JMJD1C: variants seen among roughly 807,000 people sequenced by gnomAD.
JMJD1C encodes the protein jumonji domain containing 1C, also known as jumonji domain-containing protein 1C.
JMJD1C carries 31 observed loss-of-function variants against 245.3 expected under a neutral mutation model. The ratio of observed to expected loss-of-function variants is 0.13; its 90% CI spans 0.09 to 0.17. The LOEUF (loss-of-function observed/expected upper bound fraction) is 0.17. Among genes scored for constraint, JMJD1C ranks in the 10% least tolerant of loss-of-function variants. The pLI, the probability that JMJD1C is intolerant of heterozygous loss-of-function variation, is 1.00. For missense variants in JMJD1C, 2,691 were observed against 3,000.2 expected (o/e 0.90, Z 2.41); for synonymous variants, 1,057 against 1,017.4 (o/e 1.04, Z -0.74).
intron 10 of JMJD1C, chr10:63,204,684 G>A (rs1392492229): frequency 3.0e-6 from 3 of 985,292 alleles, no homozygotes; most frequent in Non-Finnish European, 3.6e-6. Flanking sequence ...CAAGTAAATG[G>A]CAGGTATCCT....
intron 19 of JMJD1C, among the ~76,000 whole-genome samples, chr10:63,185,887 T>C (rs2132918546): frequency 6.6e-6 from 1 of 152,358 alleles, no homozygotes; most frequent in South Asian, 2.1e-4. Flanking sequence ...AAAAGTTGTT[T>C]TTAAAAATCT....
At chr10:63,186,430 CTT>C in intron 18 of JMJD1C, 47 bp from the exon 19 acceptor site, 1 of 1,452,720 alleles carries the variant, frequency 6.9e-7, no homozygotes, top group Non-Finnish European at 9.3e-7. Flanking sequence ...TATAGACTTT[CTT>C]TTTTGTTTGT....
At chr10:63,235,081 TAGAA>T (rs568436536) in intron 3 of JMJD1C, among the ~76,000 whole-genome samples, 541 of 152,298 alleles carry the variant, frequency 3.6e-3, no homozygotes, top group Middle Eastern at 6.8e-3. Context: ...ACTTGTAACT[TAGAA>T]AGCACCAGGT....
chr10:63,252,009 G>A (rs748811777), intron 3 of JMJD1C, among the ~76,000 whole-genome samples: 3 of 152,090 alleles, frequency 2.0e-5, no homozygotes, highest in South Asian at 2.1e-4. Context: ...GCAAGACTCC[G>A]TCTCAAAGAA....
chr10:63,492,103 G>A (rs1014968931), intron 1 of JMJD1C, among the ~76,000 whole-genome samples: 6 of 151,904 alleles, frequency 3.9e-5, no homozygotes, highest in Non-Finnish European at 5.9e-5. Flanking sequence ...GCGTGATCTC[G>A]GCTCTCTGCA....
intron 1 of JMJD1C, among the ~76,000 whole-genome samples, chr10:63,463,903 T>C (rs1262351879): frequency 6.6e-6 from 1 of 152,022 alleles, no homozygotes; most frequent in Non-Finnish European, 1.5e-5. Context: ...GCTTAATACC[T>C]TACTAACATA....
intron 2 of JMJD1C, among the ~76,000 whole-genome samples, chr10:63,291,839 T>A (rs996121842): frequency 1.3e-5 from 2 of 152,144 alleles, no homozygotes; most frequent in African/African-American, 2.4e-5. Context: ...TTACAACTAA[T>A]CTTTTATTTT....
chr10:63,449,264 G>GAATTTC (rs1287866141), intron 1 of JMJD1C, among the ~76,000 whole-genome samples: 33 of 151,976 alleles, frequency 2.2e-4, no homozygotes, highest in Non-Finnish European at 3.7e-4. Context: ...AGATGAACTG[G>GAATTTC]TACACAATCT....
At chr10:63,426,544 G>C (rs142888237) in intron 1 of JMJD1C, among the ~76,000 whole-genome samples, 1 of 152,026 alleles carries the variant, frequency 6.6e-6, no homozygotes, top group African/African-American at 2.4e-5. Context: ...GGTGGTGCGC[G>C]CCTGTAATCT....
At chr10:63,295,987 G>A (rs1419615457) in intron 2 of JMJD1C, among the ~76,000 whole-genome samples, 15 of 11,862 alleles carry the variant, frequency 1.3e-3, no homozygotes, top group Non-Finnish European at 2.8e-3. Flanking sequence ...GTGTGTGTGT[G>A]TGTGTGTGTG....
chr10:63,320,246 T>C (rs1940685236), intron 2 of JMJD1C, among the ~76,000 whole-genome samples: 1 of 152,182 alleles, frequency 6.6e-6, no homozygotes, highest in Non-Finnish European at 1.5e-5. Flanking sequence ...TTGAGTAATT[T>C]TTTCTTTTAG....
intron 2 of JMJD1C, chr10:63,301,713 G>C (rs1183445298): frequency 2.2e-6 from 1 of 449,640 alleles, no homozygotes; most frequent in African/African-American, 2.0e-5. Flanking sequence ...GCATATGCAG[G>C]GATTAAAACC....
intron 2 of JMJD1C, among the ~76,000 whole-genome samples, chr10:63,356,111 C>T (rs914292727): frequency 6.6e-6 from 1 of 152,154 alleles, no homozygotes; most frequent in Non-Finnish European, 1.5e-5. Context: ...TACATAGCAG[C>T]ATATGGCAGT....
chr10:63,422,167 T>G (rs1950164439), intron 1 of JMJD1C, among the ~76,000 whole-genome samples: 1 of 152,318 alleles, frequency 6.6e-6, no homozygotes. Context: ...AACCCAGCAC[T>G]TTGGAAGATC....
Position 63,465,641 on chromosome 10 carries a change from C to T in JMJD1C, c.22G>A (p.Glu8Lys), listed in dbSNP as rs1490389597. Reference sequence around the variant, plus strand: ...CACAGGAACCGCTTACCCACCAGCTCTGCCCGCGTCTCTACCGCCATAGCT... The same window carrying T: ...CACAGGAACCGCTTACCCACCAGCTTTGCCCGCGTCTCTACCGCCATAGCT... MAVETRA[E>K]LVGKRFLCVA... The change falls in exon 1 of 26, where the codon GAG becomes AAG. Residue 8 changes from glutamate to lysine, a missense_variant. By Grantham distance (56) the Glu-to-Lys change is moderately conservative (BLOSUM62 1). Around this residue, in one of 9 missense-constraint regions of JMJD1C, gnomAD observed 135 missense variants for 115.5 expected, o/e 1.17. Transcript: ENST00000399262. 5 of 1,609,480 alleles carry T rather than the reference C, an allele frequency of 3.1e-6. No homozygotes were observed. In the African/African-American group the frequency reaches 5.3e-5, roughly 17 times the overall value.
intron 2 of JMJD1C, among the ~76,000 whole-genome samples, chr10:63,354,510 CTTTTTTA>C (rs1944636307): frequency 6.6e-6 from 1 of 151,506 alleles, no homozygotes; most frequent in Non-Finnish European, 1.5e-5. Context: ...CAATCTTATC[CTTTTTTA>C]TTTATTACAA....
chr10:63,206,637 C>A lies in JMJD1C; in HGVS notation c.5032G>T (p.Ala1678Ser), dbSNP rs752677360. ...AACTTCAGTTTACTTCTTTCTTTGG[C>A]ACTCCTGCTGAGAACTCCATTGGGT... ...LKPNGVLSRS[A>S]KERSKLKLQS... Residue 1678 changes from alanine (A) to serine (S), a missense_variant, in exon 10 of 26, where the codon GCC (alanine) becomes TCC (serine). This residue lies in a region of JMJD1C where 144 missense variants were observed against 143.3 expected (regional missense o/e 1.00). Transcript: ENST00000399262. 1 of 1,599,196 alleles carries A rather than the reference C, an allele frequency of 6.3e-7. No homozygotes were observed. Among genetic ancestry groups the A allele is most frequent in the African/African-American group, 1.4e-5 (1 of 73,846 alleles).
intron 1 of JMJD1C, among the ~76,000 whole-genome samples, chr10:63,392,243 A>AT (rs1408104421): frequency 6.6e-6 from 1 of 152,220 alleles, no homozygotes; most frequent in Non-Finnish European, 1.5e-5. Flanking sequence ...AACTTAAAAC[A>AT]TAAGACCCAA....
intron 1 of JMJD1C, among the ~76,000 whole-genome samples, chr10:63,516,771 C>A (rs1160240466): frequency 2.0e-5 from 3 of 152,174 alleles, no homozygotes; most frequent in African/African-American, 7.2e-5. Context: ...GTGTTGTCAG[C>A]TAGTCACCAT....
Sources: allele counts gnomAD v4.1 joint callset (sites outside exome capture counted in the v4.1 genomes callset), GRCh38; gene constraint gnomAD v4.1.1; regional missense constraint gnomAD v4.1.1; transcripts MANE v1.5; gene names NCBI Gene and HGNC (gene_info 2026-07-23, HGNC 2026-07-21).